The following EYS variants were observed in gnomAD, a reference collection of about 807,000 sequenced individuals.
The protein encoded by EYS is protein eyes shut homolog.
In EYS, 250 loss-of-function variants were observed where a neutral mutation model predicts 282.1. The ratio of observed to expected loss-of-function variants is 0.89; its 90% CI spans 0.80 to 0.98. The LOEUF (loss-of-function observed/expected upper bound fraction) is 0.98. Among genes scored for constraint, EYS ranks in the 50% least tolerant of loss-of-function variants. The pLI is 0.00. For synonymous variants in EYS, 1,355 were observed against 1,282.9 expected (o/e 1.06, Z -1.20); for missense variants, 4,016 against 3,709.0 (o/e 1.08, Z -2.15).
At position 65,509,128 on chromosome 6, in the gene EYS, A is replaced by G. The variant is rs1388317250; in HGVS notation, c.-332-13135T>C. Reference sequence around the variant, plus strand: ...AAGAGGAGTAACGTACTATAAACAGAAAGAACATACATCTTCCTTTCGTTG... The same window carrying G: ...AAGAGGAGTAACGTACTATAAACAGGAAGAACATACATCTTCCTTTCGTTG... On this transcript the variant is annotated intron_variant, in intron 2 of 42. Coordinates refer to ENST00000503581, the MANE Select transcript of EYS (RefSeq NM_001142800.2). 1.1e-4 allele frequency among the ~76,000 whole-genome samples: 16 copies of G among 152,220 alleles called. 1 individual carries two copies. The highest frequency in any genetic ancestry group is 1.7e-4 in the African/African-American group (7 of 41,458).
intron 31 of EYS, among the ~76,000 whole-genome samples, chr6:64,204,525 G>C (rs1668340567): frequency 6.6e-6 from 1 of 151,978 alleles, no homozygotes; most frequent in Non-Finnish European, 1.5e-5. Flanking sequence ...GAAATACAAA[G>C]TAATGAACTA....
At chr6:64,769,297 T>C (rs1194643126) in intron 22 of EYS, among the ~76,000 whole-genome samples, 2 of 152,064 alleles carry the variant, frequency 1.3e-5, no homozygotes, top group African/African-American at 2.4e-5. Flanking sequence ...TGCCTAACTC[T>C]GTTTGCCTAG....
rs938677549 is a variant in EYS at position 65,639,607 on chromosome 6, G to C, written c.-333+171C>G. 1.7e-4 allele frequency among the ~76,000 whole-genome samples: 26 copies of C among 152,176 alleles called. 1 individual carries two copies. The South Asian group carries it at 4.6e-3, about 27-fold the overall frequency. ...GATCTAAAGTGAATTTAAGAGGTAGGAACCATTTAGTAGAGCCAAAAACGA... is the reference window on the plus strand; with the variant it reads ...GATCTAAAGTGAATTTAAGAGGTAGCAACCATTTAGTAGAGCCAAAAACGA... On this transcript the variant is annotated intron_variant, in intron 2 of 42. Coordinates refer to ENST00000503581, the MANE Select transcript of EYS (RefSeq NM_001142800.2).
chr6:63,761,040 T>G (rs1769626095), intron 41 of EYS, among the ~76,000 whole-genome samples: 1 of 150,524 alleles, frequency 6.6e-6, no homozygotes, highest in African/African-American at 2.5e-5. Flanking sequence ...GTTTAAATAT[T>G]TAACCGATTT....
intron 8 of EYS, among the ~76,000 whole-genome samples, chr6:65,364,537 T>TAAA (rs5876960): frequency 6.6e-6 from 1 of 150,856 alleles, no homozygotes; most frequent in African/African-American, 2.4e-5. Flanking sequence ...TGGACTATAT[T>TAAA]AAAAATATTA....
intron 33 of EYS, among the ~76,000 whole-genome samples, chr6:64,013,442 G>T (rs1252209971): frequency 6.6e-6 from 1 of 151,820 alleles, no homozygotes; most frequent in Non-Finnish European, 1.5e-5. Flanking sequence ...AAAGCTTCCT[G>T]TTTTTTTTGA....
intron 26 of EYS, among the ~76,000 whole-genome samples, chr6:64,545,926 C>T (rs991059273): frequency 2.6e-5 from 4 of 152,092 alleles, no homozygotes; most frequent in Admixed American, 1.3e-4. Flanking sequence ...AAATCAATAT[C>T]GTGAAAATGG....
chr6:64,214,491 A>G (rs74739917), intron 31 of EYS, among the ~76,000 whole-genome samples: 4,127 of 152,198 alleles, frequency 0.027, 58 homozygotes, highest in African/African-American at 0.043. Context: ...TGTTATAGTC[A>G]TTTTCCATCT....
chr6:65,677,035 A>G (rs567163575), intron 1 of EYS, among the ~76,000 whole-genome samples: 1 of 151,134 alleles, frequency 6.6e-6, no homozygotes, highest in Non-Finnish European at 1.5e-5. Context: ...AAAACTAGAA[A>G]TTGAAAAAAA....
chr6:65,664,422 T>A (rs1296601606), intron 1 of EYS, among the ~76,000 whole-genome samples: 2 of 152,084 alleles, frequency 1.3e-5, no homozygotes, highest in Admixed American at 1.3e-4. Context: ...CTTCAGACAA[T>A]GCATTTTTAC....
chr6:64,258,567 G>A (rs1193848472), intron 30 of EYS, among the ~76,000 whole-genome samples: 1 of 152,058 alleles, frequency 6.6e-6, no homozygotes, highest in African/African-American at 2.4e-5. Context: ...AACAGCAACA[G>A]TATGCCAGAT....
At chr6:64,365,255 G>A (rs2150410716) in intron 29 of EYS, among the ~76,000 whole-genome samples, 1 of 152,104 alleles carries the variant, frequency 6.6e-6, no homozygotes, top group African/African-American at 2.4e-5. Flanking sequence ...AGAAAAAGGA[G>A]GGAAGTGAGT....
In EYS at chr6:64,617,405, C is replaced by T. The variant is rs1562094383; in HGVS notation, c.3684+13G>A. 6.8e-7 allele frequency: 1 copy of T among 1,474,958 alleles called. No homozygotes were observed. The highest frequency in any genetic ancestry group is 2.5e-5 in the East Asian group (1 of 40,502). The allele number at this position is 1,474,958 out of a possible 1,614,324, so 91.4% of individuals were successfully genotyped here. A position where few individuals can be genotyped will look rare whatever the true frequency, so the allele number is the denominator to read the frequency against. On this transcript the variant is annotated intron_variant, in intron 24 of 42. Coordinates refer to ENST00000503581, the MANE Select transcript of EYS (RefSeq NM_001142800.2). ...AAAAAATTATTACAACCACAACCACCAGTAATCTTTACCATAAATCCAGGT... is the reference window on the plus strand; with the variant it reads ...AAAAAATTATTACAACCACAACCACTAGTAATCTTTACCATAAATCCAGGT...
At chr6:64,328,857 C>T (rs1441788013) in intron 29 of EYS, among the ~76,000 whole-genome samples, 1 of 152,066 alleles carries the variant, frequency 6.6e-6, no homozygotes, top group Non-Finnish European at 1.5e-5. Context: ...GGTAGCTAAG[C>T]CAGGACAAGA....
At chr6:64,518,921 T>C (rs914343987) in intron 26 of EYS, among the ~76,000 whole-genome samples, 2 of 151,830 alleles carry the variant, frequency 1.3e-5, no homozygotes, top group Admixed American at 6.6e-5. Flanking sequence ...TAAACCTCTT[T>C]CCTTTATAAA....
chr6:65,690,432 G>A (rs865810585), intron 1 of EYS, among the ~76,000 whole-genome samples: 4 of 149,528 alleles, frequency 2.7e-5, no homozygotes, highest in Non-Finnish European at 3.0e-5. Context: ...CACAAGGGTC[G>A]CATTCCATTC....
intron 5 of EYS, among the ~76,000 whole-genome samples, chr6:65,443,413 GC>G (rs1237748127): frequency 2.2e-5 from 3 of 135,716 alleles, no homozygotes; most frequent in East Asian, 2.4e-4. Flanking sequence ...TACACATATA[GC>G]CATATATGTA....
At position 63,893,056 on chromosome 6, in the gene EYS, A is replaced by T. The variant is rs754429370; in HGVS notation, c.7056-28698T>A. On this transcript the variant is annotated intron_variant, in intron 35 of 42. Coordinates refer to ENST00000503581, the MANE Select transcript of EYS (RefSeq NM_001142800.2). ...CCACCTTACACCAGTTAGAATGATG[A>T]TCATTAAAAAGTCAGGAAACAACAG... is the stretch of plus-strand genomic sequence containing the variant. Among the ~76,000 whole-genome samples the T allele has an allele frequency of 3.2e-4, 49 of 152,334 alleles. No homozygotes were observed. The Middle Eastern group carries it at 0.01, about 32-fold the overall frequency.
chr6:64,453,859 G>C (rs1775456781), intron 26 of EYS, among the ~76,000 whole-genome samples: 1 of 152,066 alleles, frequency 6.6e-6, no homozygotes, highest in Non-Finnish European at 1.5e-5. Context: ...GACTGTTGTG[G>C]CGTGGGGGGA....
Sources: gnomAD v4.1 joint callset for allele counts (sites outside exome capture counted in the v4.1 genomes callset) on GRCh38, gnomAD v4.1.1 for gene constraint, MANE v1.5 for transcripts, NCBI Gene and HGNC (gene_info 2026-07-23, HGNC 2026-07-21) for gene names.